Variants in RBFOX1 observed in about 807,000 individuals in gnomAD.
RBFOX1 encodes the protein RNA binding fox-1 homolog 1.
A neutral mutation model predicts 57.7 loss-of-function variants in RBFOX1; 8 were observed. The observed-to-expected ratio is 0.14, with a 90% confidence interval of 0.08 to 0.25. The LOEUF is 0.25. RBFOX1 is among the 10% of genes least tolerant of loss of function. RBFOX1 has a pLI of 1.00. For synonymous variants in RBFOX1, 326 were observed against 222.4 expected, an observed-to-expected ratio of 1.47 and a Z score of -4.15; for missense variants, 611 against 548.5, an observed-to-expected ratio of 1.11 and a Z score of -1.14.
At chr16:7,017,414 G>A (rs1047920070) in intron 3 of RBFOX1, among the ~76,000 whole-genome samples, 1 of 152,172 alleles carries the variant, frequency 6.6e-6, no homozygotes, top group Non-Finnish European at 1.5e-5. Context: ...TGCCATCAGA[G>A]AATGAGATAA....
chr16:5,658,828 A>G (rs2049548247), intron 3 of RBFOX1, among the ~76,000 whole-genome samples: 3 of 148,214 alleles, frequency 2.0e-5, no homozygotes, highest in African/African-American at 7.4e-5. Flanking sequence ...ATATATGTAT[A>G]TATGTATATA....
At chr16:5,476,734 C>T (rs995112563) in intron 2 of RBFOX1, among the ~76,000 whole-genome samples, 2 of 152,232 alleles carry the variant, frequency 1.3e-5, no homozygotes, top group African/African-American at 2.4e-5. Context: ...GCTCCTTTCC[C>T]TGCCTCTTGG....
chr16:6,476,533 C>A (rs1243405281), intron 2 of RBFOX1, among the ~76,000 whole-genome samples: 3 of 152,152 alleles, frequency 2.0e-5, no homozygotes, highest in Admixed American at 6.5e-5. Flanking sequence ...GACGTGCATA[C>A]CTTAATTTAA....
chr16:7,051,378 G>A (rs1023425904), intron 3 of RBFOX1, among the ~76,000 whole-genome samples: 3 of 152,196 alleles, frequency 2.0e-5, no homozygotes, highest in African/African-American at 7.2e-5. Flanking sequence ...CCAAAGAAGC[G>A]TCCTTGGACA....
At chr16:7,576,373 G>T (rs185022117) in intron 5 of RBFOX1, among the ~76,000 whole-genome samples, 1 of 152,194 alleles carries the variant, frequency 6.6e-6, no homozygotes. Flanking sequence ...TAAAAGGCAT[G>T]CAGGCTGAAA....
At chr16:7,058,387 C>T (rs1047851877) in intron 4 of RBFOX1, among the ~76,000 whole-genome samples, 13 of 152,076 alleles carry the variant, frequency 8.5e-5, no homozygotes. Context: ...CATCTCTTTG[C>T]ACTTTGAAAA....
chr16:5,488,282 G>T (rs1364884827), intron 2 of RBFOX1, among the ~76,000 whole-genome samples: 1 of 71,514 alleles, frequency 1.4e-5, no homozygotes, highest in African/African-American at 4.1e-5. Flanking sequence ...GATGGTGGTG[G>T]TGGTGATGAT....
intron 1 of RBFOX1, among the ~76,000 whole-genome samples, chr16:5,296,424 C>T (rs760163334): frequency 1.3e-5 from 2 of 152,102 alleles, no homozygotes; most frequent in African/African-American, 2.4e-5. Flanking sequence ...ATCCCCAGAA[C>T]CCATTGAGTC....
chr16:7,023,377 T>C (rs1397637993), intron 3 of RBFOX1, among the ~76,000 whole-genome samples: 1 of 151,342 alleles, frequency 6.6e-6, no homozygotes. Flanking sequence ...GGAGAATTGC[T>C]TGAACCCAGG....
At chr16:7,160,246 G>A (rs1411965384) in intron 4 of RBFOX1, among the ~76,000 whole-genome samples, 1 of 150,858 alleles carries the variant, frequency 6.6e-6, no homozygotes, top group African/African-American at 2.4e-5. Flanking sequence ...ATGTGCTTTA[G>A]AGGCCAGATG....
intron 3 of RBFOX1, among the ~76,000 whole-genome samples, chr16:6,730,645 G>C (rs1412239295): frequency 6.6e-6 from 1 of 152,198 alleles, no homozygotes; most frequent in Non-Finnish European, 1.5e-5. Context: ...TGGTCATTTT[G>C]TGGAAAATCT....
intron 1 of RBFOX1, among the ~76,000 whole-genome samples, chr16:6,047,897 C>G (rs972246595): frequency 3.9e-5 from 6 of 152,164 alleles, no homozygotes; most frequent in African/African-American, 1.4e-4. Flanking sequence ...TACGGTTTCA[C>G]AGACCGTAAA....
chr16:7,476,061 G>A (rs1258109119), intron 4 of RBFOX1, among the ~76,000 whole-genome samples: 1 of 151,748 alleles, frequency 6.6e-6, no homozygotes, highest in East Asian at 1.9e-4. Context: ...AGCCTCCTGA[G>A]CCCAAGTGAT....
intron 3 of RBFOX1, among the ~76,000 whole-genome samples, chr16:5,820,900 C>A (rs185849107): frequency 2.8e-4 from 42 of 152,264 alleles, no homozygotes; most frequent in African/African-American, 9.6e-4. Context: ...ATGGTTTTCC[C>A]AACCTCAGGC....
intron 5 of RBFOX1, among the ~76,000 whole-genome samples, chr16:7,566,822 G>A (rs2091795708): frequency 6.6e-6 from 1 of 152,066 alleles, no homozygotes. Context: ...GGGTGTCTAT[G>A]TATCCTCCAG....
intron 1 of RBFOX1, among the ~76,000 whole-genome samples, chr16:6,146,202 G>A (rs1329620193): frequency 6.6e-6 from 1 of 152,194 alleles, no homozygotes; most frequent in Non-Finnish European, 1.5e-5. Flanking sequence ...GGAGGCAGGA[G>A]AAGCCAGGAG....
chr16:6,023,788 C>G (rs544045797), intron 1 of RBFOX1, among the ~76,000 whole-genome samples: 1 of 152,174 alleles, frequency 6.6e-6, no homozygotes, highest in African/African-American at 2.4e-5. Context: ...CCCACAGTGT[C>G]GTGCCGGAGA....
In RBFOX1 at chr16:5,509,744, T is replaced by G. The variant is rs76535468; in HGVS notation, c.258+42490T>G. Among the ~76,000 whole-genome samples, 819 of 152,238 alleles carry G rather than the reference T, an allele frequency of 5.4e-3. 17 individuals are homozygous for G. In the East Asian group the frequency reaches 0.058, roughly 11 times the overall value. Reference sequence around the variant, plus strand: ...CGGGGCTTGGGCCAGGCGTGGACGTTAAGGCCAAGATGGGCGCATACACAG... The same window carrying G: ...CGGGGCTTGGGCCAGGCGTGGACGTGAAGGCCAAGATGGGCGCATACACAG... On this transcript the variant is annotated intron_variant, in intron 2 of 2. Transcript: ENST00000585867.
At chr16:7,161,551 C>T (rs1567517612) in intron 4 of RBFOX1, among the ~76,000 whole-genome samples, 1 of 152,124 alleles carries the variant, frequency 6.6e-6, no homozygotes, top group African/African-American at 2.4e-5. Context: ...AGGTACATGT[C>T]AGTGAAGTCC....
Sources: allele counts gnomAD v4.1 joint callset (sites outside exome capture counted in the v4.1 genomes callset), GRCh38; gene constraint gnomAD v4.1.1; transcripts MANE v1.5; gene names NCBI Gene and HGNC (gene_info 2026-07-23, HGNC 2026-07-21).